Variants in PHRF1 observed in about 807,000 individuals in gnomAD.
PHRF1 encodes PHD and RING finger domain-containing protein 1.
Under a neutral mutation model 128.9 loss-of-function variants are expected in PHRF1, and 53 were observed. The ratio of observed to expected loss-of-function variants is 0.41; its 90% confidence interval spans 0.33 to 0.52. The LOEUF (loss-of-function observed/expected upper bound fraction) is 0.52, where lower values mean the gene tolerates loss of function less well. Ranked by LOEUF, PHRF1 falls within the 20% of genes least tolerant of loss-of-function variation. PHRF1 has a pLI of 0.21. For missense variants in PHRF1, 2,503 were observed against 2,284.5 expected (o/e 1.10, Z -1.95); for synonymous variants, 1,178 against 980.6 (o/e 1.20, Z -3.76).
intron 5 of PHRF1, among the ~76,000 whole-genome samples, 168 bp from the exon 6 acceptor site, chr11:592,391 A>G (rs1397491831): frequency 6.6e-6 from 1 of 152,232 alleles, no homozygotes; most frequent in African/African-American, 2.4e-5. Flanking sequence ...GAGATGGTAG[A>G]AAACATAAAA....
At chr11:593,555 G>A (rs1332898682) in intron 6 of PHRF1, among the ~76,000 whole-genome samples, 1 of 152,242 alleles carries the variant, frequency 6.6e-6, no homozygotes, top group Non-Finnish European at 1.5e-5. Flanking sequence ...CTGTCACCTC[G>A]TTGTTAGCCA....
At chr11:588,009 A>T (rs956217086) in intron 4 of PHRF1, among the ~76,000 whole-genome samples, 96 of 152,194 alleles carry the variant, frequency 6.3e-4, no homozygotes, top group Admixed American at 6.0e-3. Flanking sequence ...GAAAAATGTC[A>T]GAAAAGGAGA....
Position 585,570 on chromosome 11 carries a change from GGT to G in PHRF1, c.215-1688_215-1687del, listed in dbSNP as rs1367111646. ...GAGGTAGTAGCCCTTTCCAGCTTGAGGTAGTAGCCCTTTCCAGCTTGAGGTAG... is the reference window on the plus strand; with the variant it reads ...GAGGTAGTAGCCCTTTCCAGCTTGAGAGTAGCCCTTTCCAGCTTGAGGTAG... On this transcript the variant is annotated intron_variant, in intron 3 of 17. Coordinates refer to ENST00000264555, the MANE Select transcript of PHRF1 (RefSeq NM_001286581.2). Among the ~76,000 whole-genome samples, 235 of 125,404 alleles carry G rather than the reference GGT, an allele frequency of 1.9e-3. 9 individuals carry two copies. Among genetic ancestry groups the G allele is most frequent in the Non-Finnish European group, 2.6e-3 (156 of 60,780 alleles). The allele number at this position is 125,404 out of a possible 152,430, so 82.3% of individuals were successfully genotyped here.
At chr11:577,356 GACAACAGC>G (rs1214095167) in intron 1 of PHRF1, among the ~76,000 whole-genome samples, 6 of 152,182 alleles carry the variant, frequency 3.9e-5, no homozygotes, top group Admixed American at 2.6e-4. Context: ...TACTTGTTTC[GACAACAGC>G]AGAACAGCAG....
chr11:609,456 C>A lies in PHRF1; in HGVS notation c.4000C>A (p.Pro1334Thr). The A allele has an allele frequency of 6.2e-7, 1 of 1,605,824 alleles. No individual in the cohort carries two copies. Among genetic ancestry groups the A allele is most frequent in the Non-Finnish European group, 8.5e-7 (1 of 1,179,574 alleles). ...SLMHDEDPSQ[P>T]PPLPEGTQEP... ...GATGCACGATGAAGACCCTTCGCAG[C>A]CCCCACCCCTGCCAGAGGGCACCCA... Residue 1334 changes from proline to threonine, a missense_variant, in exon 14 of 18, where the codon CCC becomes ACC. By Grantham distance (38) the Pro-to-Thr change is conservative. Coordinates refer to ENST00000264555, the MANE Select transcript of PHRF1 (RefSeq NM_001286581.2).
chr11:577,690 T>C (rs1011309186), intron 1 of PHRF1, among the ~76,000 whole-genome samples: 1 of 152,218 alleles, frequency 6.6e-6, no homozygotes, highest in Non-Finnish European at 1.5e-5. Flanking sequence ...AGATGGTGAA[T>C]ACAAGAATAA....
chr11:582,067 T>C lies in PHRF1; in HGVS notation c.200T>C (p.Leu67Pro), dbSNP rs781748942. The change falls in exon 3 of 18, where the codon CTG (leucine) becomes CCG (proline). Residue 67 changes from leucine to proline, a missense_variant. Leu to Pro is a moderately conservative substitution (Grantham distance 98). Coordinates refer to ENST00000264555, the MANE Select transcript of PHRF1 (RefSeq NM_001286581.2). ...EDEGASEEED[L>P]EDRSGSEDSE... ...GAGGGGGCGTCTGAGGAGGAAGACC[T>C]GGAAGACAGATCTGGTGAGACAGCT... 3.1e-6 allele frequency: 5 copies of C among 1,597,632 alleles called. No individual in the cohort carries two copies. In the South Asian group the frequency reaches 5.7e-5, roughly 18 times the overall value.
chr11:587,665 G>A (rs1461609377), intron 4 of PHRF1, among the ~76,000 whole-genome samples: 1 of 152,150 alleles, frequency 6.6e-6, no homozygotes, highest in African/African-American at 2.4e-5. Flanking sequence ...CATGTGAGGC[G>A]TTTGTGGTGT....
In PHRF1 at chr11:587,431, C is replaced by T. The variant is rs1017184362; in HGVS notation, c.387C>T (p.Tyr129=). Residue 129 remains tyrosine (Y), a synonymous_variant, in exon 4 of 18, where the codon TAC becomes TAT. Coordinates refer to ENST00000264555, the MANE Select transcript of PHRF1 (RefSeq NM_001286581.2). The part of the protein sequence containing the change: ...AVGTPENCAH[Y]FCLDCIVEWS... ...GGACGCCGGAGAACTGTGCCCATTA[C>T]TTCTGCCTGGACTGCATTGTCGAAT... 4 of 1,613,488 alleles carry T rather than the reference C, an allele frequency of 2.5e-6. No individual in the cohort carries two copies. The highest frequency in any genetic ancestry group is 1.3e-5 in the African/African-American group (1 of 74,920).
Position 609,270 on chromosome 11 carries a change from G to T in PHRF1, c.3814G>T (p.Asp1272Tyr). 12 of 1,612,236 alleles carry T rather than the reference G, an allele frequency of 7.4e-6. No homozygotes were observed. Among genetic ancestry groups the T allele is most frequent in the Non-Finnish European group, 9.3e-6 (11 of 1,179,880 alleles). ...GDSVEAGHVF[D>Y]DFSSDAVFIQ... ...CTCCGTGGAGGCCGGACACGTCTTT[G>T]ATGATTTCTCAAGCGACGCCGTTTT... Residue 1272 changes from aspartate (D) to tyrosine (Y), a missense_variant, in exon 14 of 18, where the codon GAT becomes TAT. Asp to Tyr is a radical substitution (Grantham distance 160). Transcript: ENST00000264555.
In PHRF1 at chr11:598,521, ACT is replaced by A. The variant is rs1417329860; in HGVS notation, c.1024+23_1024+24del. ...AAGACAAGTAAGCCTGAAGGGATGG[ACT>A]CTCCCGCCAGCCACAGGCTGGGACC... On this transcript the variant is annotated intron_variant, in intron 9 of 17. Coordinates refer to ENST00000264555, the MANE Select transcript of PHRF1 (RefSeq NM_001286581.2). 1.3e-6 allele frequency: 2 copies of A among 1,597,382 alleles called. No homozygotes were observed. The highest frequency in any genetic ancestry group is 1.3e-5 in the African/African-American group (1 of 74,398).
At position 608,906 on chromosome 11, in the gene PHRF1, G is replaced by C. The variant is rs1856149706; in HGVS notation, c.3450G>C (p.Glu1150Asp). Residue 1150 changes from glutamate (E) to aspartate (D), a missense_variant, in exon 14 of 18, where the codon GAG (glutamate) becomes GAC (aspartate). By Grantham distance (45) the Glu-to-Asp change is conservative. Transcript: ENST00000264555. ...GCCACGAGCGGCCAGACAGGAAGGA[G>C]AGTGTGGCGTGGCCCCGAGACCGGA... is the stretch of plus-strand genomic sequence containing the variant. Reference protein sequence around the residue: ...ERSHERPDRKESVAWPRDRRK... With the variant: ...ERSHERPDRKDSVAWPRDRRK... 6.2e-7 allele frequency: 1 copy of C among 1,612,326 alleles called. No individual in the cohort carries two copies. The highest frequency in any genetic ancestry group is 2.2e-5 in the East Asian group (1 of 44,854).
chr11:591,127 TCCTC>T (rs1156281715), intron 4 of PHRF1, among the ~76,000 whole-genome samples: 5 of 152,188 alleles, frequency 3.3e-5, no homozygotes, highest in Non-Finnish European at 5.9e-5. Flanking sequence ...CGCCTGTCCT[TCCTC>T]CCTTTATTGT....
chr11:609,189 G>A lies in PHRF1; in HGVS notation c.3733G>A (p.Val1245Ile). 6.2e-7 allele frequency: 1 copy of A among 1,607,956 alleles called. No individual in the cohort carries two copies. The highest frequency in any genetic ancestry group is 8.5e-7 in the Non-Finnish European group (1 of 1,179,688). ...CAAGGCCCCCCTGCAGGCTCCCCCT[G>A]TCCTGGAGGTGGCAGCTGAGTGTGA... Reference protein sequence around the residue: ...ADKAPLQAPPVLEVAAECEPD... With the variant: ...ADKAPLQAPPILEVAAECEPD... The change falls in exon 14 of 18, where the codon GTC becomes ATC. Residue 1245 changes from valine (V) to isoleucine (I), a missense_variant. Coordinates refer to ENST00000264555, the MANE Select transcript of PHRF1 (RefSeq NM_001286581.2).
At chr11:580,247 A>G (rs1306195877) in intron 1 of PHRF1, among the ~76,000 whole-genome samples, 2 of 152,186 alleles carry the variant, frequency 1.3e-5, no homozygotes, top group Non-Finnish European at 2.9e-5. Flanking sequence ...GAAATGAACC[A>G]CGTGCACGTA....
At chr11:596,014 C>T (rs1260316838) in intron 6 of PHRF1, among the ~76,000 whole-genome samples, 1 of 152,194 alleles carries the variant, frequency 6.6e-6, no homozygotes. Flanking sequence ...CAGACACCTT[C>T]TCATAGGTGC....
intron 17 of PHRF1, among the ~76,000 whole-genome samples, 192 bp from the exon 18 acceptor site, chr11:611,442 C>T (rs1426608657): frequency 6.6e-6 from 1 of 152,206 alleles, no homozygotes; most frequent in Admixed American, 6.5e-5. Flanking sequence ...CCTCAGTGGC[C>T]TTGTGAGCGG....
At chr11:585,082 C>G (rs1180190699) in intron 3 of PHRF1, among the ~76,000 whole-genome samples, 5 of 152,198 alleles carry the variant, frequency 3.3e-5, no homozygotes, top group Admixed American at 3.3e-4. Flanking sequence ...GGGTCCCTAA[C>G]TGGTGGGAAA....
chr11:609,168 GC>G lies in PHRF1; in HGVS notation c.3718del (p.Leu1240CysfsTer47). 6.2e-7 allele frequency: 1 copy of G among 1,606,322 alleles called. No homozygotes were observed. On this transcript the variant is annotated frameshift_variant, in exon 14 of 18. Transcript: ENST00000264555. LOFTEE classifies it high-confidence loss of function. ...GCCGGAGGTGGCTACGGCCGACAAG[GC>G]CCCCCTGCAGGCTCCCCCTGTCCTG... ...VSPEVATADK[A>X]PLQAPPVLEV...
Sources: gnomAD v4.1 joint callset for allele counts (sites outside exome capture counted in the v4.1 genomes callset) on GRCh38, gnomAD v4.1.1 for gene constraint, MANE v1.5 for transcripts, NCBI Gene and HGNC (gene_info 2026-07-23, HGNC 2026-07-21) for gene names.